FLRT2: variants seen among roughly 807,000 people sequenced by gnomAD.
FLRT2 encodes the protein leucine-rich repeat transmembrane protein FLRT2.
A neutral mutation model predicts 40.0 loss-of-function variants in FLRT2; 15 were observed. That is an observed-to-expected ratio of 0.38 (90% CI 0.25 to 0.58). The LOEUF (loss-of-function observed/expected upper bound fraction) is 0.58, where lower values mean the gene tolerates loss of function less well. Among genes scored for constraint, FLRT2 ranks in the 20% least tolerant of loss-of-function variants. The pLI, the probability that FLRT2 is intolerant of heterozygous loss-of-function variation, is 0.71. For synonymous variants in FLRT2, 380 were observed against 336.8 expected, an observed-to-expected ratio of 1.13 and a Z score of -1.41; for missense variants, 726 against 840.0, an observed-to-expected ratio of 0.86 and a Z score of 1.68.
At position 85,654,275 on chromosome 14, in the gene FLRT2, G is replaced by A. The variant is rs1411209006; in HGVS notation, c.*30778G>A. ...TGTAAATAACTTTGTCTATGTAATT[G>A]TAGTGTATACTTATTATTGACAACT... On this transcript the variant is annotated 3_prime_UTR_variant, in exon 2 of 2. Transcript: ENST00000330753. 6.6e-6 allele frequency: 1 copy of A among 152,060 alleles called. No homozygotes were observed. Among genetic ancestry groups the A allele is most frequent in the African/African-American group, 2.4e-5 (1 of 41,428 alleles). The allele number at this position is 152,060 out of a possible 1,614,324, so 9.4% of individuals were successfully genotyped here. A position where few individuals can be genotyped will look rare whatever the true frequency, so the allele number is the denominator to read the frequency against.
chr14:85,580,040 T>C (rs372404215), intron 1 of FLRT2, among the ~76,000 whole-genome samples: 1 of 152,138 alleles, frequency 6.6e-6, no homozygotes, highest in East Asian at 1.9e-4. Flanking sequence ...GTCTCAGTTT[T>C]GTCACTCAGA....
intron 1 of FLRT2, among the ~76,000 whole-genome samples, chr14:85,532,923 A>G (rs1888373717): frequency 1.3e-5 from 2 of 152,158 alleles, no homozygotes; most frequent in Middle Eastern, 3.2e-3. Flanking sequence ...CAGGGTTCAG[A>G]TGGTGACATT....
At chr14:85,617,468 T>C (rs1893185925) in intron 1 of FLRT2, among the ~76,000 whole-genome samples, 1 of 152,168 alleles carries the variant, frequency 6.6e-6, no homozygotes, top group African/African-American at 2.4e-5. Flanking sequence ...TACTTGGTGA[T>C]AGAAGTAGGA....
At chr14:85,532,198 T>TG (rs997580994) in intron 1 of FLRT2, among the ~76,000 whole-genome samples, 1 of 152,096 alleles carries the variant, frequency 6.6e-6, no homozygotes, top group Non-Finnish European at 1.5e-5. Flanking sequence ...AGCGGATCCC[T>TG]GGGGGGTTGG....
chr14:85,622,495 T>TGGTCACAGA lies in FLRT2; in HGVS notation c.981_982insGGTCACAGA (p.Tyr327_Ile328insGlyHisArg). Reference sequence around the variant, plus strand: ...AATGGGTCACAGAATGGCTCAAATATATCCCTTCATCTCTCAACGTGCGGG... The same window carrying TGGTCACAGA: ...AATGGGTCACAGAATGGCTCAAATATGGTCACAGAATCCCTTCATCTCTCAACGTGCGGG... On this transcript the variant is annotated inframe_insertion, in exon 2 of 2. Coordinates refer to ENST00000330753, the MANE Select transcript of FLRT2 (RefSeq NM_013231.6). 1 of 1,614,102 alleles carries TGGTCACAGA rather than the reference T, an allele frequency of 6.2e-7. No homozygotes were observed. Among genetic ancestry groups the TGGTCACAGA allele is most frequent in the Non-Finnish European group, 8.5e-7 (1 of 1,180,020 alleles).
intron 1 of FLRT2, among the ~76,000 whole-genome samples, chr14:85,611,991 C>T (rs1892898067): frequency 7.1e-6 from 1 of 141,690 alleles, no homozygotes; most frequent in African/African-American, 2.6e-5. Context: ...GCTGTGTTGC[C>T]TCCCTCTGGT....
chr14:85,604,106 G>A (rs1892508075), intron 1 of FLRT2, among the ~76,000 whole-genome samples: 1 of 152,160 alleles, frequency 6.6e-6, no homozygotes, highest in South Asian at 2.1e-4. Context: ...TTACTAGTTA[G>A]TGAAAACATT....
Position 85,609,918 on chromosome 14 carries a change from A to G in FLRT2, c.-376-11221A>G, listed in dbSNP as rs185192598. ...AGGCTGTGCACAGAACTTCAGAAGAAGGAAAAAAGCCAATGGTTTTCTTCA... is the reference window on the plus strand; with the variant it reads ...AGGCTGTGCACAGAACTTCAGAAGAGGGAAAAAAGCCAATGGTTTTCTTCA... On this transcript the variant is annotated intron_variant, in intron 1 of 1. Transcript: ENST00000330753. Among the ~76,000 whole-genome samples the G allele has an allele frequency of 2.0e-5, 3 of 152,314 alleles. No homozygotes were observed. The East Asian group carries it at 5.8e-4, about 29-fold the overall frequency.
rs1894142047 is a variant in FLRT2 at position 85,641,262 on chromosome 14, C to T, written c.*17765C>T. ...TATTGGTATTCATTATTCCCAATTCCTTCTATATGCCTTCCTTTCTGGATA... is the reference window on the plus strand; with the variant it reads ...TATTGGTATTCATTATTCCCAATTCTTTCTATATGCCTTCCTTTCTGGATA... On this transcript the variant is annotated 3_prime_UTR_variant, in exon 2 of 2. Coordinates refer to ENST00000330753, the MANE Select transcript of FLRT2 (RefSeq NM_013231.6). 1 of 152,184 alleles carries T rather than the reference C, an allele frequency of 6.6e-6. No homozygotes were observed. The highest frequency in any genetic ancestry group is 1.5e-5 in the Non-Finnish European group (1 of 68,034). 9.4% of individuals were successfully genotyped at this position (152,184 alleles called of 1,614,324 possible). A position where few individuals can be genotyped will look rare whatever the true frequency, so the allele number is the denominator to read the frequency against.
chr14:85,576,220 T>C (rs546952993), intron 1 of FLRT2, among the ~76,000 whole-genome samples: 16 of 152,348 alleles, frequency 1.1e-4, no homozygotes, highest in Non-Finnish European at 2.1e-4. Flanking sequence ...ACCTCAGTTA[T>C]CCGGGTTTCC....
chr14:85,630,017 G>A lies in FLRT2; in HGVS notation c.*6520G>A, dbSNP rs954240999. On this transcript the variant is annotated 3_prime_UTR_variant, in exon 2 of 2. Coordinates refer to ENST00000330753, the MANE Select transcript of FLRT2 (RefSeq NM_013231.6). ...TTATTTTTAGGAATGAATTTGTTTC[G>A]TACTTGAGATGTTGCTCTAAGTATT... is the stretch of plus-strand genomic sequence containing the variant. The A allele has an allele frequency of 1.6e-4, 24 of 152,120 alleles. No homozygotes were observed. Among genetic ancestry groups the A allele is most frequent in the African/African-American group, 5.3e-4 (22 of 41,424 alleles). 9.4% of individuals were successfully genotyped at this position (152,120 alleles called of 1,614,324 possible). A position where few individuals can be genotyped will look rare whatever the true frequency, so the allele number is the denominator to read the frequency against.
At chr14:85,587,502 G>T (rs770352591) in intron 1 of FLRT2, among the ~76,000 whole-genome samples, 8 of 151,988 alleles carry the variant, frequency 5.3e-5, no homozygotes, top group Non-Finnish European at 1.2e-4. Flanking sequence ...AGCATATTCA[G>T]TTCCTAGGTC....
At chr14:85,604,998 A>C (rs1289129836) in intron 1 of FLRT2, among the ~76,000 whole-genome samples, 3 of 152,204 alleles carry the variant, frequency 2.0e-5, no homozygotes, top group Non-Finnish European at 4.4e-5. Context: ...GTAAGAATTC[A>C]TAGCCCTTTT....
At chr14:85,563,916 A>G (rs1447842019) in intron 1 of FLRT2, among the ~76,000 whole-genome samples, 9 of 152,198 alleles carry the variant, frequency 5.9e-5, no homozygotes. Context: ...TCAATGGATG[A>G]TAATTGATCT....
intron 1 of FLRT2, chr14:85,562,616 C>CTTTCTTT (rs1555366337): frequency 4.0e-5 from 1 of 24,910 alleles, no homozygotes; most frequent in African/African-American, 2.4e-4. Context: ...ACCTTTCTTT[C>CTTTCTTT]TTTCTTTTTT....
intron 1 of FLRT2, among the ~76,000 whole-genome samples, chr14:85,565,554 T>A (rs1001777467): frequency 1.3e-5 from 2 of 152,210 alleles, no homozygotes; most frequent in Admixed American, 1.3e-4. Flanking sequence ...TCAAAATTTT[T>A]TTTATTTATT....
rs1246224953 is a variant in FLRT2 at position 85,650,492 on chromosome 14, TTTGAA to T, written c.*26999_*27003del. 1 of 152,036 alleles carries T rather than the reference TTTGAA, an allele frequency of 6.6e-6. No individual in the cohort carries two copies. Among genetic ancestry groups the T allele is most frequent in the African/African-American group, 2.4e-5 (1 of 41,440 alleles). The allele number at this position is 152,036 out of a possible 1,614,324, so 9.4% of individuals were successfully genotyped here. A position where few individuals can be genotyped will look rare whatever the true frequency, so the allele number is the denominator to read the frequency against. On this transcript the variant is annotated 3_prime_UTR_variant, in exon 2 of 2. Transcript: ENST00000330753. Reference sequence around the variant, plus strand: ...CTAAACACACACAGTGTATCTAGAATTTGAATTGCTAAAATTGAACATTCAATTTT... The same window carrying T: ...CTAAACACACACAGTGTATCTAGAATTTGCTAAAATTGAACATTCAATTTT...
rs1894097314 is a variant in FLRT2, at chr14:85,639,573, A to C, written c.*16076A>C. The C allele has an allele frequency of 6.6e-6, 1 of 152,102 alleles. No homozygotes were observed. Among genetic ancestry groups the C allele is most frequent in the Admixed American group, 6.5e-5 (1 of 15,268 alleles). 9.4% of individuals were successfully genotyped at this position (152,102 alleles called of 1,614,324 possible). A position where few individuals can be genotyped will look rare whatever the true frequency, so the allele number is the denominator to read the frequency against. ...ATGGTAGCAATGATTGATTTATCTC[A>C]ATCTTCTTGTATAGCTGCTGAATTT... On this transcript the variant is annotated 3_prime_UTR_variant, in exon 2 of 2. Transcript: ENST00000330753.
At chr14:85,556,943 G>A (rs1216649891) in intron 1 of FLRT2, among the ~76,000 whole-genome samples, 3 of 152,124 alleles carry the variant, frequency 2.0e-5, no homozygotes, top group African/African-American at 7.2e-5. Context: ...GAGGCAAAAG[G>A]CACTTCTTAC....
Sources: gnomAD v4.1 joint callset for allele counts (sites outside exome capture counted in the v4.1 genomes callset) on GRCh38, gnomAD v4.1.1 for gene constraint, MANE v1.5 for transcripts, NCBI Gene and HGNC (gene_info 2026-07-23, HGNC 2026-07-21) for gene names.